The following SGCZ variants were observed in gnomAD, a reference collection of about 807,000 sequenced individuals.
The protein encoded by SGCZ is sarcoglycan zeta, also known as zeta-sarcoglycan.
In SGCZ, 40 loss-of-function variants were observed where a neutral mutation model predicts 41.3. The observed-to-expected ratio is 0.97, with a 90% confidence interval of 0.75 to 1.26. The LOEUF (loss-of-function observed/expected upper bound fraction) is 1.26. Ranked by LOEUF, SGCZ falls within the 50% of genes most tolerant of loss-of-function variation. SGCZ has a pLI of 0.00. For missense variants in SGCZ, 552 were observed against 369.8 expected (o/e 1.49, Z -4.04); for synonymous variants, 206 against 137.5 (o/e 1.50, Z -3.49).
At chr8:14,760,055 T>C (rs992355239) in intron 1 of SGCZ, among the ~76,000 whole-genome samples, 2 of 152,186 alleles carry the variant, frequency 1.3e-5, no homozygotes, top group African/African-American at 4.8e-5. Flanking sequence ...ACAATTCCTC[T>C]AACTAACCCA....
chr8:14,705,574 A>G (rs1332429009), intron 1 of SGCZ, among the ~76,000 whole-genome samples: 1 of 151,974 alleles, frequency 6.6e-6, no homozygotes, highest in Admixed American at 6.6e-5. Flanking sequence ...TAATAGATCA[A>G]AATGTTTCTA....
At chr8:14,765,887 G>A (rs1800019764) in intron 1 of SGCZ, among the ~76,000 whole-genome samples, 1 of 151,532 alleles carries the variant, frequency 6.6e-6, no homozygotes, top group African/African-American at 2.4e-5. Context: ...AATCTTGGAG[G>A]AGAGAGGTTG....
At chr8:14,336,460 T>A (rs1042743184) in intron 2 of SGCZ, among the ~76,000 whole-genome samples, 1 of 152,176 alleles carries the variant, frequency 6.6e-6, no homozygotes, top group African/African-American at 2.4e-5. Flanking sequence ...TACCCAGTAA[T>A]GGGATTTCTA....
chr8:15,164,953 G>A (rs1799615629), intron 1 of SGCZ, among the ~76,000 whole-genome samples: 1 of 152,034 alleles, frequency 6.6e-6, no homozygotes, highest in African/African-American at 2.4e-5. Context: ...CCCAGCAACT[G>A]GGTTTTCTTC....
chr8:14,512,824 A>C (rs1425957662), intron 2 of SGCZ, among the ~76,000 whole-genome samples: 1 of 151,968 alleles, frequency 6.6e-6, no homozygotes, highest in Non-Finnish European at 1.5e-5. Context: ...GAACTTTATT[A>C]ATTGTCTACC....
chr8:14,325,914 C>G (rs1251903004), intron 2 of SGCZ, among the ~76,000 whole-genome samples: 2 of 147,712 alleles, frequency 1.4e-5, no homozygotes, highest in Non-Finnish European at 3.0e-5. Flanking sequence ...AGATCAAGAC[C>G]ATTCTGGCTA....
In SGCZ at chr8:14,092,835, A is replaced by C. The variant is rs577705302; in HGVS notation, c.745-2198T>G. ...GGTATGTCTTTGTCGGCAATGTAAA[A>C]ATGAACCAATACAGTAGCTAATCAG... On this transcript the variant is annotated intron_variant, in intron 7 of 7. Transcript: ENST00000382080. 9.9e-5 allele frequency among the ~76,000 whole-genome samples: 15 copies of C among 152,166 alleles called. No homozygotes were observed. The South Asian group carries it at 3.1e-3, about 32-fold the overall frequency.
At chr8:14,706,279 C>G (rs1809330277) in intron 1 of SGCZ, among the ~76,000 whole-genome samples, 1 of 152,128 alleles carries the variant, frequency 6.6e-6, no homozygotes, top group South Asian at 2.1e-4. Flanking sequence ...CTAGTTCACG[C>G]TCTTTAAACT....
At chr8:14,380,367 A>T (rs1241761635) in intron 2 of SGCZ, among the ~76,000 whole-genome samples, 2 of 152,178 alleles carry the variant, frequency 1.3e-5, no homozygotes, top group Non-Finnish European at 2.9e-5. Flanking sequence ...CTAGTGTTGA[A>T]TGTCATAGAT....
chr8:14,779,502 G>A (rs1800518143), intron 1 of SGCZ, among the ~76,000 whole-genome samples: 1 of 152,186 alleles, frequency 6.6e-6, no homozygotes, highest in South Asian at 2.1e-4. Flanking sequence ...TTTGCTTACT[G>A]AGTTGCTTCC....
At chr8:14,686,484 G>C (rs1808615272) in intron 1 of SGCZ, among the ~76,000 whole-genome samples, 2 of 152,036 alleles carry the variant, frequency 1.3e-5, no homozygotes, top group Admixed American at 1.3e-4. Flanking sequence ...AATAGAGTTG[G>C]ACAGAAGGTA....
chr8:15,159,725 GC>G (rs1306451581), intron 1 of SGCZ, among the ~76,000 whole-genome samples: 1 of 10,382 alleles, frequency 9.6e-5, no homozygotes, highest in Non-Finnish European at 2.0e-4. Flanking sequence ...CCCCTCCCTC[GC>G]CCCCGCCCCC....
chr8:14,589,019 C>T (rs1420734608), intron 1 of SGCZ, among the ~76,000 whole-genome samples: 1 of 152,022 alleles, frequency 6.6e-6, no homozygotes, highest in African/African-American at 2.4e-5. Context: ...CTAAAATATG[C>T]ATTCTTCTTT....
chr8:15,028,275 C>T (rs930033162), intron 1 of SGCZ, among the ~76,000 whole-genome samples: 4 of 152,138 alleles, frequency 2.6e-5, no homozygotes, highest in Admixed American at 6.5e-5. Flanking sequence ...TTCGTGAAGG[C>T]TAAAACGTCA....
At chr8:14,549,044 A>G (rs1585069336) in intron 2 of SGCZ, among the ~76,000 whole-genome samples, 1 of 152,128 alleles carries the variant, frequency 6.6e-6, no homozygotes, top group African/African-American at 2.4e-5. Context: ...GGTGGTTGGT[A>G]GTAATTTACC....
chr8:14,178,511 C>T lies in SGCZ; in HGVS notation c.425-13809G>A, dbSNP rs550283851. Reference sequence around the variant, plus strand: ...TAAAATAATGAGTTTATGATGCTTTCTCATGACTAGAGTTCTGAGATAAAG... The same window carrying T: ...TAAAATAATGAGTTTATGATGCTTTTTCATGACTAGAGTTCTGAGATAAAG... On this transcript the variant is annotated intron_variant, in intron 4 of 7. Coordinates refer to ENST00000382080, the MANE Select transcript of SGCZ (RefSeq NM_139167.4). Among the ~76,000 whole-genome samples, 57 of 152,284 alleles carry T rather than the reference C, an allele frequency of 3.7e-4. No individual in the cohort carries two copies. The South Asian group carries it at 0.012, about 31-fold the overall frequency.
At chr8:14,910,003 A>T (rs1364455370) in intron 1 of SGCZ, among the ~76,000 whole-genome samples, 2 of 152,122 alleles carry the variant, frequency 1.3e-5, no homozygotes, top group Admixed American at 1.3e-4. Flanking sequence ...TTTTTAATGC[A>T]TTGGCCTCTA....
Position 15,192,026 on chromosome 8 carries a change from T to C in SGCZ, c.39+45559A>G, listed in dbSNP as rs546877944. Among the ~76,000 whole-genome samples the C allele has an allele frequency of 3.3e-5, 5 of 152,206 alleles. No homozygotes were observed. In the South Asian group the frequency reaches 1.0e-3, roughly 32 times the overall value. ...CTACATCAAGGGAATGTGGTGAAGA[T>C]TAAATGAGTTAATATTTAGCACTTC... On this transcript the variant is annotated intron_variant, in intron 1 of 7. Transcript: ENST00000382080.
At chr8:14,941,504 T>C (rs1181454128) in intron 1 of SGCZ, among the ~76,000 whole-genome samples, 1 of 152,070 alleles carries the variant, frequency 6.6e-6, no homozygotes, top group Non-Finnish European at 1.5e-5. Flanking sequence ...ATGTTTATAT[T>C]TTCATAACAG....
Sources: gnomAD v4.1 joint callset for allele counts (sites outside exome capture counted in the v4.1 genomes callset) on GRCh38, gnomAD v4.1.1 for gene constraint, MANE v1.5 for transcripts, NCBI Gene and HGNC (gene_info 2026-07-23, HGNC 2026-07-21) for gene names.